SLC25A48: variants seen among roughly 807,000 people sequenced by gnomAD.
The protein encoded by SLC25A48 is CTC-321K16.1.
SLC25A48 carries 29 observed loss-of-function variants against 32.2 expected under a neutral mutation model. The ratio of observed to expected loss-of-function variants is 0.90; its 90% CI spans 0.67 to 1.23. SLC25A48 has a LOEUF of 1.23. Among genes scored for constraint, SLC25A48 ranks in the 50% most tolerant of loss-of-function variants. The pLI is 0.00. For missense variants in SLC25A48, 399 were observed against 422.7 expected, an observed-to-expected ratio of 0.94 and a Z score of 0.49; for synonymous variants, 164 against 172.3, an observed-to-expected ratio of 0.95 and a Z score of 0.38.
intron 1 of SLC25A48, among the ~76,000 whole-genome samples, chr5:135,594,172 A>G (rs1016956576): frequency 2.6e-5 from 4 of 152,326 alleles, no homozygotes; most frequent in African/African-American, 9.6e-5. Context: ...TTCATCTTCA[A>G]TTTCTGAGGA....
chr5:135,758,611 A>G (rs1313663606), intron 3 of SLC25A48, among the ~76,000 whole-genome samples: 2 of 150,720 alleles, frequency 1.3e-5, no homozygotes, highest in Non-Finnish European at 3.0e-5. Context: ...ACACACTATT[A>G]TATTAATATG....
intron 3 of SLC25A48, among the ~76,000 whole-genome samples, chr5:135,757,547 A>G (rs1227252231): frequency 4.0e-5 from 6 of 149,332 alleles, no homozygotes; most frequent in South Asian, 2.2e-4. Flanking sequence ...TATCATCTAT[A>G]TATTTATAAT....
intron 3 of SLC25A48, among the ~76,000 whole-genome samples, chr5:135,682,673 G>A (rs1476060550): frequency 6.6e-6 from 1 of 152,078 alleles, no homozygotes; most frequent in Admixed American, 6.5e-5. Flanking sequence ...AGGGCTGCTG[G>A]GTGGGGCTCT....
rs564610078 is a variant in SLC25A48 at position 135,655,560 on chromosome 5, T to C, written c.-521+20604T>C. On this transcript the variant is annotated intron_variant, in intron 3 of 10. Transcript: ENST00000646290. ...TCCCCAAAGGGCTGAGTGAGTTTCC[T>C]ATCCTCTCAGGGCCCATAGTACGCT... 2.0e-5 allele frequency among the ~76,000 whole-genome samples: 3 copies of C among 152,312 alleles called. No homozygotes were observed. The East Asian group carries it at 5.8e-4, about 29-fold the overall frequency.
At chr5:135,754,059 G>A (rs1357274684) in intron 3 of SLC25A48, among the ~76,000 whole-genome samples, 1 of 151,210 alleles carries the variant, frequency 6.6e-6, no homozygotes, top group Admixed American at 6.6e-5. Context: ...TATTAATCGG[G>A]ATATCACAGG....
chr5:135,885,603 T>G (rs1001459119), intron 7 of SLC25A48, among the ~76,000 whole-genome samples: 7 of 152,310 alleles, frequency 4.6e-5, no homozygotes, highest in African/African-American at 1.7e-4. Context: ...GTGCACCCTC[T>G]CTTTCTCACT....
chr5:135,847,780 G>T (rs938090537), intron 2 of SLC25A48, among the ~76,000 whole-genome samples: 15 of 152,260 alleles, frequency 9.9e-5, no homozygotes, highest in African/African-American at 3.4e-4. Flanking sequence ...CCTCCCGAGG[G>T]AGTGCTGCCT....
intron 3 of SLC25A48, among the ~76,000 whole-genome samples, chr5:135,712,883 T>C (rs1254710043): frequency 1.3e-5 from 2 of 152,170 alleles, no homozygotes; most frequent in Non-Finnish European, 2.9e-5. Context: ...GCAAAGCAAC[T>C]ATGCATGCAT....
At chr5:135,602,892 C>T (rs1298684318) in intron 1 of SLC25A48, among the ~76,000 whole-genome samples, 1 of 152,184 alleles carries the variant, frequency 6.6e-6, no homozygotes, top group Non-Finnish European at 1.5e-5. Context: ...AGGCATTTCA[C>T]CAGATGGATA....
intron 1 of SLC25A48, among the ~76,000 whole-genome samples, chr5:135,837,715 A>G (rs1758651211): frequency 6.6e-6 from 1 of 152,168 alleles, no homozygotes; most frequent in African/African-American, 2.4e-5. Flanking sequence ...TTTCCCTGGC[A>G]CCATGTAAGA....
chr5:135,601,671 A>C (rs1400643511), intron 1 of SLC25A48, among the ~76,000 whole-genome samples: 1 of 152,094 alleles, frequency 6.6e-6, no homozygotes, highest in Non-Finnish European at 1.5e-5. Flanking sequence ...GCCATCTCCT[A>C]CCAGACTGCA....
At chr5:135,685,553 C>T (rs1192673354) in intron 3 of SLC25A48, among the ~76,000 whole-genome samples, 2 of 151,820 alleles carry the variant, frequency 1.3e-5, no homozygotes, top group Admixed American at 1.3e-4. Context: ...ATACCTCGGC[C>T]TCCTGAGTAG....
chr5:135,611,496 C>CAAAA (rs57138043), intron 1 of SLC25A48, among the ~76,000 whole-genome samples: 51 of 21,348 alleles, frequency 2.4e-3, no homozygotes, highest in South Asian at 5.9e-3. Flanking sequence ...GACTCCATCT[C>CAAAA]AAAAAAAAAA....
intron 3 of SLC25A48, among the ~76,000 whole-genome samples, chr5:135,711,330 C>T (rs1487737079): frequency 6.6e-6 from 1 of 152,184 alleles, no homozygotes; most frequent in Non-Finnish European, 1.5e-5. Context: ...AGCAGCTCAA[C>T]CAAGGCACAA....
At chr5:135,873,793 C>A (rs1310393033) in intron 5 of SLC25A48, among the ~76,000 whole-genome samples, 1 of 152,200 alleles carries the variant, frequency 6.6e-6, no homozygotes. Flanking sequence ...GTACTGCCAT[C>A]CCATTTTACA....
intron 3 of SLC25A48, among the ~76,000 whole-genome samples, chr5:135,807,552 T>A (rs1284586303): frequency 6.6e-6 from 1 of 150,488 alleles, no homozygotes; most frequent in Non-Finnish European, 1.5e-5. Context: ...ATATTATAAA[T>A]ATAATGGATA....
At chr5:135,787,891 G>A (rs1331597399) in intron 3 of SLC25A48, among the ~76,000 whole-genome samples, 1 of 151,732 alleles carries the variant, frequency 6.6e-6, no homozygotes, top group Non-Finnish European at 1.5e-5. Flanking sequence ...TACACCTTGT[G>A]ATATTACTGC....
intron 4 of SLC25A48, among the ~76,000 whole-genome samples, chr5:135,816,242 G>A (rs1019823073): frequency 5.3e-5 from 8 of 152,162 alleles, no homozygotes; most frequent in African/African-American, 1.9e-4. Flanking sequence ...TTGGAGATTA[G>A]ATTTGGGTGG....
intron 3 of SLC25A48, among the ~76,000 whole-genome samples, chr5:135,638,902 T>C (rs904572357): frequency 6.6e-6 from 1 of 152,196 alleles, no homozygotes; most frequent in Non-Finnish European, 1.5e-5. Context: ...TATTATGTTC[T>C]CAAAAAAACC....
Sources: allele counts gnomAD v4.1 joint callset (sites outside exome capture counted in the v4.1 genomes callset), GRCh38; gene constraint gnomAD v4.1.1; transcripts MANE v1.5; gene names NCBI Gene and HGNC (gene_info 2026-07-23, HGNC 2026-07-21).